The following ATP2C2 variants were observed in gnomAD, a reference collection of about 807,000 sequenced individuals.
The protein encoded by ATP2C2 is ATPase secretory pathway Ca2+ transporting 2.
A neutral mutation model predicts 110.8 loss-of-function variants in ATP2C2; 171 were observed. The ratio of observed to expected loss-of-function variants is 1.54; its 90% CI spans 1.36 to 1.75. The LOEUF (loss-of-function observed/expected upper bound fraction) is 1.75, where lower values mean the gene tolerates loss of function less well. Ranked by LOEUF, ATP2C2 falls within the 40% of genes most tolerant of loss-of-function variation. The pLI, the probability that ATP2C2 is intolerant of heterozygous loss-of-function variation, is 0.00. For synonymous variants in ATP2C2, 804 were observed against 508.4 expected (o/e 1.58, Z -7.82); for missense variants, 1,963 against 1,235.0 (o/e 1.59, Z -8.84).
intron 1 of ATP2C2, among the ~76,000 whole-genome samples, chr16:84,392,511 G>A (rs1423371262): frequency 6.6e-6 from 1 of 152,130 alleles, no homozygotes. Context: ...TGCCCAGGCT[G>A]GAGTGCAGTG....
At chr16:84,422,238 G>A (rs555626757) in intron 7 of ATP2C2, 152 bp from the exon 8 acceptor site, 2 of 766,528 alleles carry the variant, frequency 2.6e-6, no homozygotes, top group Admixed American at 3.2e-5. Flanking sequence ...TGATCCTGGA[G>A]GCCTCAGAGG....
intron 1 of ATP2C2, among the ~76,000 whole-genome samples, chr16:84,386,874 C>A (rs1904342682): frequency 6.6e-6 from 1 of 152,096 alleles, no homozygotes; most frequent in Non-Finnish European, 1.5e-5. Flanking sequence ...GGTGATGCCT[C>A]CTCTACCCTG....
chr16:84,429,317 A>G (rs965432885), intron 11 of ATP2C2, among the ~76,000 whole-genome samples: 1 of 151,922 alleles, frequency 6.6e-6, no homozygotes, highest in East Asian at 1.9e-4. Context: ...ACACCCAGCT[A>G]ATTTTTTAAA....
In ATP2C2 at chr16:84,397,880, A is replaced by C. The variant is rs376244414; in HGVS notation, c.100-619A>C. 7.2e-5 allele frequency among the ~76,000 whole-genome samples: 11 copies of C among 151,980 alleles called. No homozygotes were observed. In the East Asian group the frequency reaches 1.7e-3, roughly 24 times the overall value. ...AGTGAAAGAAATCAGACAAGAAAGCATGTATGAGTGTATACTGCATGGCAC... is the reference window on the plus strand; with the variant it reads ...AGTGAAAGAAATCAGACAAGAAAGCCTGTATGAGTGTATACTGCATGGCAC... On this transcript the variant is annotated intron_variant, in intron 1 of 26. Coordinates refer to ENST00000262429, the MANE Select transcript of ATP2C2 (RefSeq NM_014861.4).
intron 20 of ATP2C2, 135 bp from the exon 21 acceptor site, chr16:84,454,683 T>G: frequency 2.3e-6 from 2 of 884,664 alleles, no homozygotes; most frequent in Non-Finnish European, 3.3e-6. Context: ...CCACAGCTAA[T>G]GTGGGTGAAG....
intron 16 of ATP2C2, 29 bp downstream of exon 16, chr16:84,446,459 T>C (rs1260762370): frequency 9.9e-6 from 15 of 1,509,600 alleles, no homozygotes; most frequent in Non-Finnish European, 1.3e-5. Context: ...CAACCTCTTC[T>C]CTCTTTCTGC....
At chr16:84,449,444 G>A (rs1384514567) in intron 17 of ATP2C2, among the ~76,000 whole-genome samples, 1 of 152,216 alleles carries the variant, frequency 6.6e-6, no homozygotes, top group Non-Finnish European at 1.5e-5. Context: ...GTGTTGCGCT[G>A]GGTCTACAAT....
chr16:84,412,543 T>C (rs1413240319), intron 6 of ATP2C2, among the ~76,000 whole-genome samples: 3 of 101,342 alleles, frequency 3.0e-5, no homozygotes, highest in Non-Finnish European at 5.8e-5. Flanking sequence ...TCTGTGTGTG[T>C]ATGCGTGTGT....
chr16:84,413,331 A>G (rs989671847), intron 6 of ATP2C2, among the ~76,000 whole-genome samples: 2 of 152,158 alleles, frequency 1.3e-5, no homozygotes, highest in African/African-American at 4.8e-5. Context: ...CGTCTCAAAG[A>G]GTCAGCATTC....
At chr16:84,410,108 C>G (rs991012655) in intron 4 of ATP2C2, among the ~76,000 whole-genome samples, 1 of 152,028 alleles carries the variant, frequency 6.6e-6, no homozygotes, top group Non-Finnish European at 1.5e-5. Flanking sequence ...ACTTGGGAGG[C>G]CGAGGCAGGA....
chr16:84,459,700 C>T (rs944148378), intron 23 of ATP2C2: 3 of 1,023,862 alleles, frequency 2.9e-6, no homozygotes, highest in African/African-American at 1.6e-5. Context: ...TTCAGGAAGT[C>T]TTCCCTGATT....
chr16:84,453,296 T>C, intron 19 of ATP2C2, 25 bp from the exon 20 acceptor site: 2 of 1,614,114 alleles, frequency 1.2e-6, no homozygotes, highest in Non-Finnish European at 1.7e-6. Context: ...ATCTGATTCT[T>C]CGTCTTCCCC....
At chr16:84,370,362 G>A (rs963670021) in intron 1 of ATP2C2, among the ~76,000 whole-genome samples, 36 of 152,330 alleles carry the variant, frequency 2.4e-4, no homozygotes, top group African/African-American at 7.7e-4. Context: ...GCCAGGAGGC[G>A]GGTGATACCA....
chr16:84,419,069 C>T (rs529637068), intron 7 of ATP2C2, among the ~76,000 whole-genome samples: 2 of 151,866 alleles, frequency 1.3e-5, no homozygotes, highest in South Asian at 2.1e-4. Flanking sequence ...ATTAGCCAGG[C>T]GTGGTGGCGT....
At position 84,443,760 on chromosome 16, in the gene ATP2C2, CT is replaced by C. The variant is rs1909483346; in HGVS notation, c.1401+1162del. ...ACCTGTCCCTCCCTCCAGTGCAAGA[CT>C]CCAACCTCCCACACCACTGCCTTCC... On this transcript the variant is annotated intron_variant, in intron 15 of 26. Coordinates refer to ENST00000262429, the MANE Select transcript of ATP2C2 (RefSeq NM_014861.4). Among the ~76,000 whole-genome samples the C allele has an allele frequency of 1.3e-5, 2 of 152,212 alleles. 1 individual carries two copies. Among genetic ancestry groups the C allele is most frequent in the South Asian group, 4.1e-4 (2 of 4,832 alleles).
At position 84,448,541 on chromosome 16, in the gene ATP2C2, A is replaced by C; in HGVS notation, c.1512A>C (p.Glu504Asp). Residue 504 changes from glutamate to aspartate, a missense_variant, in exon 17 of 27, where the codon GAA becomes GAC. Physicochemically the swap from Glu to Asp is conservative, Grantham distance 45. Coordinates refer to ENST00000262429, the MANE Select transcript of ATP2C2 (RefSeq NM_014861.4). ...VKCSLKTEDQ[E>D]DIYFMKGALE... ...CCTTTGTCTTTTCTAAGGATCAGGA[A>C]GACATTTACTTCATGAAAGGGGCCT... 1 of 1,611,298 alleles carries C rather than the reference A, an allele frequency of 6.2e-7. No individual in the cohort carries two copies. The highest frequency in any genetic ancestry group is 8.5e-7 in the Non-Finnish European group (1 of 1,178,200).
intron 1 of ATP2C2, among the ~76,000 whole-genome samples, chr16:84,389,454 A>G (rs7189221): frequency 0.39 from 59,827 of 152,156 alleles, 11,981 homozygotes; most frequent in East Asian, 0.51. Flanking sequence ...ACACACAGTC[A>G]TGGTTGAATT....
chr16:84,406,244 T>C (rs945571241), intron 3 of ATP2C2, among the ~76,000 whole-genome samples: 2 of 152,192 alleles, frequency 1.3e-5, no homozygotes, highest in African/African-American at 2.4e-5. Context: ...AAGAAAAAAC[T>C]GCAATTGACA....
At position 84,462,065 on chromosome 16, in the gene ATP2C2, G is replaced by C. The variant is rs765696923; in HGVS notation, c.2658G>C (p.Gln886His). ...CCGTCCTGGGGTCCATCCTGGGGCAGCTGGCGGTCATTTACATCCCCCCGC... is the reference window on the plus strand; with the variant it reads ...CCGTCCTGGGGTCCATCCTGGGGCACCTGGCGGTCATTTACATCCCCCCGC... The part of the protein sequence containing the change: ...LYSVLGSILG[Q>H]LAVIYIPPLQ... The change falls in exon 26 of 27, where the codon CAG becomes CAC. Residue 886 changes from glutamine to histidine, a missense_variant. Physicochemically the swap from Gln to His is conservative, Grantham distance 24 (BLOSUM62 0). Transcript: ENST00000262429. 6.2e-7 allele frequency: 1 copy of C among 1,614,074 alleles called. No homozygotes were observed. Among genetic ancestry groups the C allele is most frequent in the South Asian group, 1.1e-5 (1 of 91,082 alleles).
Sources: gnomAD v4.1 joint callset for allele counts (sites outside exome capture counted in the v4.1 genomes callset) on GRCh38, gnomAD v4.1.1 for gene constraint, MANE v1.5 for transcripts, NCBI Gene and HGNC (gene_info 2026-07-23, HGNC 2026-07-21) for gene names.